MECOM: variants seen among roughly 807,000 people sequenced by gnomAD.
MECOM encodes histone-lysine N-methyltransferase MECOM.
In MECOM, 13 loss-of-function variants were observed where a neutral mutation model predicts 116.3. The observed-to-expected ratio is 0.11, with a 90% CI of 0.07 to 0.18. The LOEUF is 0.18. MECOM is among the 10% of genes least tolerant of loss of function. MECOM has a pLI of 1.00. For synonymous variants in MECOM, 528 were observed against 535.2 expected, an observed-to-expected ratio of 0.99 and a Z score of 0.19; for missense variants, 1,299 against 1,509.0, an observed-to-expected ratio of 0.86 and a Z score of 2.31.
chr3:169,555,493 A>C (rs1007289879), intron 1 of MECOM, among the ~76,000 whole-genome samples: 1 of 152,186 alleles, frequency 6.6e-6, no homozygotes, highest in African/African-American at 2.4e-5. Flanking sequence ...CTTCCTCTAC[A>C]CTTGGTTACA....
At chr3:169,216,636 T>C (rs1269822876) in intron 2 of MECOM, among the ~76,000 whole-genome samples, 1 of 151,974 alleles carries the variant, frequency 6.6e-6, no homozygotes, top group Non-Finnish European at 1.5e-5. Context: ...TAATTCTATA[T>C]GTTTCAATCT....
chr3:169,490,913 A>G (rs1218168263), intron 1 of MECOM, among the ~76,000 whole-genome samples: 1 of 152,130 alleles, frequency 6.6e-6, no homozygotes, highest in Non-Finnish European at 1.5e-5. Flanking sequence ...TTGTAGTGAC[A>G]GGGTCTCCTT....
intron 2 of MECOM, among the ~76,000 whole-genome samples, chr3:169,180,020 G>GA (rs1403934601): frequency 4.6e-5 from 7 of 152,058 alleles, no homozygotes; most frequent in Admixed American, 2.6e-4. Context: ...TGCAGATGAA[G>GA]AAAAAAGACA....
chr3:169,452,123 A>T (rs1745704361), intron 1 of MECOM, among the ~76,000 whole-genome samples: 1 of 152,012 alleles, frequency 6.6e-6, no homozygotes, highest in African/African-American at 2.4e-5. Context: ...TCCAATAGAC[A>T]TCAATCAATA....
chr3:169,409,268 C>T (rs1029820621), intron 1 of MECOM, among the ~76,000 whole-genome samples: 1 of 152,188 alleles, frequency 6.6e-6, no homozygotes, highest in Non-Finnish European at 1.5e-5. Context: ...TTATCTTATG[C>T]TCTAACTTGA....
chr3:169,112,661 T>A, intron 9 of MECOM, 126 bp downstream of exon 9: 1 of 728,246 alleles, frequency 1.4e-6, no homozygotes, highest in Admixed American at 2.5e-5. Context: ...GAATTTCCTG[T>A]GTTCTTCCAC....
At chr3:169,194,108 G>A (rs187169744) in intron 2 of MECOM, among the ~76,000 whole-genome samples, 41 of 152,074 alleles carry the variant, frequency 2.7e-4, no homozygotes, top group Admixed American at 2.6e-3. Context: ...TATAAAATCA[G>A]TTACTGTACC....
intron 2 of MECOM, among the ~76,000 whole-genome samples, chr3:169,191,776 A>AAGAG (rs1747711854): frequency 7.2e-6 from 1 of 139,180 alleles, no homozygotes; most frequent in East Asian, 2.8e-4. Flanking sequence ...GAAAGAAAGA[A>AAGAG]AGAAAGAAAG....
chr3:169,218,288 A>G (rs923728601), intron 2 of MECOM, among the ~76,000 whole-genome samples: 8 of 152,206 alleles, frequency 5.3e-5, no homozygotes, highest in Non-Finnish European at 1.0e-4. Context: ...AGAAGATAAA[A>G]CTTTCAACAG....
At position 169,369,342 on chromosome 3, in the gene MECOM, C is replaced by CTTTTTTTT. The variant is rs10661629; in HGVS notation, c.375+11837_375+11844dup. The stretch of plus-strand genomic sequence containing the variant: ...AAATGTCTATAAACTTGATTGCAGC[C>CTTTTTTTT]TTTTTTTTTTTTTTTTTTTTTTGAG... On this transcript the variant is annotated intron_variant, in intron 2 of 16. Coordinates refer to ENST00000651503, the MANE Select transcript of MECOM (RefSeq NM_004991.4). 1.0e-3 allele frequency among the ~76,000 whole-genome samples: 90 copies of CTTTTTTTT among 86,968 alleles called. 3 individuals are homozygous for CTTTTTTTT. Among genetic ancestry groups the CTTTTTTTT allele is most frequent in the East Asian group, 3.8e-3 (9 of 2,390 alleles). The allele number at this position is 86,968 out of a possible 152,430, so 57.1% of individuals were successfully genotyped here.
intron 1 of MECOM, among the ~76,000 whole-genome samples, chr3:169,583,999 T>C (rs1765434481): frequency 4.6e-5 from 7 of 152,244 alleles, no homozygotes. Context: ...TTGTCACAAC[T>C]GGCCAAATCC....
chr3:169,220,416 T>C (rs80355414), intron 2 of MECOM, among the ~76,000 whole-genome samples: 4,424 of 152,274 alleles, frequency 0.029, 199 homozygotes, highest in African/African-American at 0.1. Flanking sequence ...TCCTCCCACC[T>C]GCTAACACTT....
chr3:169,553,728 T>C (rs1362657031), intron 1 of MECOM, among the ~76,000 whole-genome samples: 5 of 152,238 alleles, frequency 3.3e-5, no homozygotes, highest in Non-Finnish European at 7.3e-5. Flanking sequence ...GCCTCTCTTA[T>C]TGGCTTGCAG....
At chr3:169,334,179 A>G (rs1056743523) in intron 2 of MECOM, among the ~76,000 whole-genome samples, 1 of 152,160 alleles carries the variant, frequency 6.6e-6, no homozygotes, top group Non-Finnish European at 1.5e-5. Context: ...GTCAATTTGC[A>G]TAACTATTTT....
At chr3:169,490,319 C>A (rs1196152159) in intron 1 of MECOM, among the ~76,000 whole-genome samples, 1 of 152,168 alleles carries the variant, frequency 6.6e-6, no homozygotes, top group Non-Finnish European at 1.5e-5. Context: ...CACATAGCCA[C>A]AACCCAGCAA....
intron 2 of MECOM, among the ~76,000 whole-genome samples, chr3:169,362,579 A>G (rs554515084): frequency 6.6e-6 from 1 of 152,010 alleles, no homozygotes; most frequent in Admixed American, 6.6e-5. Context: ...GCTAGGAGTA[A>G]AGGCCTGAAG....
At chr3:169,217,597 A>G (rs950721872) in intron 2 of MECOM, among the ~76,000 whole-genome samples, 2 of 152,024 alleles carry the variant, frequency 1.3e-5, no homozygotes, top group African/African-American at 2.4e-5. Flanking sequence ...CAGCCTGGCT[A>G]ACATGGCAAA....
intron 2 of MECOM, among the ~76,000 whole-genome samples, chr3:169,176,982 C>T (rs1158056781): frequency 6.6e-6 from 1 of 152,042 alleles, no homozygotes; most frequent in African/African-American, 2.4e-5. Flanking sequence ...GCTGGTGAGG[C>T]TGTGGAGAAA....
intron 2 of MECOM, among the ~76,000 whole-genome samples, chr3:169,378,439 A>G (rs1273424158): frequency 1.2e-3 from 99 of 83,468 alleles, no homozygotes; most frequent in African/African-American, 7.1e-3. Flanking sequence ...GAAAGAAAGA[A>G]AGAAAGAAAG....
Sources: allele counts gnomAD v4.1 joint callset (sites outside exome capture counted in the v4.1 genomes callset), GRCh38; gene constraint gnomAD v4.1.1; transcripts MANE v1.5; gene names NCBI Gene and HGNC (gene_info 2026-07-23, HGNC 2026-07-21).